Variants in FOCAD observed in about 807,000 individuals in gnomAD.
FOCAD encodes focadhesin, also known as KIAA1797.
Under a neutral mutation model 225.6 loss-of-function variants are expected in FOCAD, and 198 were observed. The observed-to-expected ratio is 0.88, with a 90% CI of 0.78 to 0.99. The LOEUF is 0.99. FOCAD is among the 50% of genes least tolerant of loss of function. The pLI is 0.00. For synonymous variants in FOCAD, 897 were observed against 755.0 expected (o/e 1.19, Z -3.08); for missense variants, 2,713 against 2,123.6 (o/e 1.28, Z -5.46).
chr9:20,714,890 A>G (rs867901219), intron 1 of FOCAD, among the ~76,000 whole-genome samples: 14 of 152,296 alleles, frequency 9.2e-5, no homozygotes, highest in African/African-American at 3.4e-4. Context: ...CACACTTGTC[A>G]CTAGCAGTTG....
chr9:20,944,591 T>C, intron 28 of FOCAD, 36 bp from the exon 29 acceptor site: 1 of 1,596,628 alleles, frequency 6.3e-7, no homozygotes, highest in Non-Finnish European at 8.6e-7. Flanking sequence ...GTGGATTTCT[T>C]ATGATCCTAA....
chr9:20,844,249 C>G (rs971373592), intron 15 of FOCAD, among the ~76,000 whole-genome samples: 10 of 151,596 alleles, frequency 6.6e-5, no homozygotes, highest in African/African-American at 9.7e-5. Flanking sequence ...GTTTATTTCT[C>G]CACCTAAAAT....
At chr9:20,785,401 C>T (rs574987902) in intron 10 of FOCAD, among the ~76,000 whole-genome samples, 3 of 152,060 alleles carry the variant, frequency 2.0e-5, no homozygotes, top group Non-Finnish European at 4.4e-5. Flanking sequence ...CCCTAATTCC[C>T]CCCTTTTTTC....
At chr9:20,670,198 G>A (rs1304554173) in intron 2 of FOCAD, among the ~76,000 whole-genome samples, 5 of 152,178 alleles carry the variant, frequency 3.3e-5, no homozygotes, top group Non-Finnish European at 7.3e-5. Context: ...ATTTGTTGAA[G>A]TAATGAATGG....
chr9:20,731,238 C>T (rs552450067), intron 4 of FOCAD, among the ~76,000 whole-genome samples: 1 of 121,750 alleles, frequency 8.2e-6, no homozygotes, highest in Non-Finnish European at 1.7e-5. Flanking sequence ...ACTTTGTCTC[C>T]AAAACAACAA....
intron 11 of FOCAD, among the ~76,000 whole-genome samples, chr9:20,815,813 C>G (rs565870672): frequency 6.6e-6 from 1 of 152,082 alleles, no homozygotes; most frequent in African/African-American, 2.4e-5. Context: ...GTATAAGATT[C>G]AAGATTAGGA....
upstream of FOCAD, among the ~76,000 whole-genome samples, chr9:20,655,949 TG>T (rs1295419604): frequency 3.3e-5 from 5 of 152,170 alleles, no homozygotes; most frequent in Non-Finnish European, 7.4e-5. Flanking sequence ...CTGCTTTGAA[TG>T]TGTCCCAGAG....
At chr9:20,688,939 A>G (rs1349599646) in intron 1 of FOCAD, among the ~76,000 whole-genome samples, 3 of 152,196 alleles carry the variant, frequency 2.0e-5, no homozygotes, top group Non-Finnish European at 4.4e-5. Context: ...TTGATACAGT[A>G]TTTGGATTTT....
At chr9:20,864,206 A>C (rs879582954) in intron 16 of FOCAD, among the ~76,000 whole-genome samples, 1 of 152,092 alleles carries the variant, frequency 6.6e-6, no homozygotes, top group Non-Finnish European at 1.5e-5. Context: ...TCTGGATGTG[A>C]GCCAAAGTTG....
intron 21 of FOCAD, among the ~76,000 whole-genome samples, chr9:20,886,024 T>C (rs1424944583): frequency 1.3e-5 from 2 of 152,218 alleles, no homozygotes; most frequent in African/African-American, 4.8e-5. Context: ...ACATCTTATT[T>C]TGATGCCTAA....
chr9:20,938,345 G>A (rs1272670333), intron 28 of FOCAD, among the ~76,000 whole-genome samples: 7 of 152,082 alleles, frequency 4.6e-5, no homozygotes, highest in Non-Finnish European at 7.4e-5. Flanking sequence ...GTCCAACAAT[G>A]ATAGACTGGA....
intron 15 of FOCAD, among the ~76,000 whole-genome samples, chr9:20,843,206 G>A (rs1231003835): frequency 6.6e-6 from 1 of 151,968 alleles, no homozygotes; most frequent in East Asian, 1.9e-4. Flanking sequence ...AGTGAATTTT[G>A]TGTCTTCAGA....
At chr9:20,722,599 C>T (rs1342953616) in intron 4 of FOCAD, among the ~76,000 whole-genome samples, 2 of 152,264 alleles carry the variant, frequency 1.3e-5, no homozygotes, top group Non-Finnish European at 2.9e-5. Context: ...AAGGTTTGAT[C>T]ATGACTGAAA....
At chr9:20,689,246 A>G (rs1822837069) in intron 1 of FOCAD, among the ~76,000 whole-genome samples, 1 of 151,990 alleles carries the variant, frequency 6.6e-6, no homozygotes, top group African/African-American at 2.4e-5. Flanking sequence ...GTGGATATAG[A>G]TGGTAGAAAC....
intron 2 of FOCAD, among the ~76,000 whole-genome samples, chr9:20,660,410 A>G (rs1412500062): frequency 6.6e-6 from 1 of 152,156 alleles, no homozygotes; most frequent in African/African-American, 2.4e-5. Flanking sequence ...ATGAGCCCAT[A>G]CAGTCTGGTT....
chr9:20,676,511 A>G (rs1312820454), intron 2 of FOCAD, among the ~76,000 whole-genome samples: 1 of 152,226 alleles, frequency 6.6e-6, no homozygotes, highest in Non-Finnish European at 1.5e-5. Flanking sequence ...CAAAACTCAC[A>G]TTATGGTAAA....
chr9:20,916,839 G>A lies in FOCAD; in HGVS notation c.2808-54G>A, dbSNP rs1833906271. Reference sequence around the variant, plus strand: ...TTATTAATTGATGAAAAAGAGAAAGGAATGATTTCTTGTTCTAACATAAAC... The same window carrying A: ...TTATTAATTGATGAAAAAGAGAAAGAAATGATTTCTTGTTCTAACATAAAC... On this transcript the variant is annotated intron_variant, in intron 23 of 43. Coordinates refer to ENST00000338382, the MANE Select transcript of FOCAD (RefSeq NM_001375567.1). 2.0e-6 allele frequency: 3 copies of A among 1,488,630 alleles called. No individual in the cohort carries two copies. The Admixed American group carries it at 5.9e-5, about 29-fold the overall frequency. 92.2% of individuals were successfully genotyped at this position (1,488,630 alleles called of 1,614,324 possible).
At chr9:20,886,738 A>C (rs901605950) in intron 21 of FOCAD, among the ~76,000 whole-genome samples, 38 of 152,190 alleles carry the variant, frequency 2.5e-4, no homozygotes, top group African/African-American at 8.7e-4. Flanking sequence ...TTTAGACTGG[A>C]TTCCATATTC....
intron 11 of FOCAD, among the ~76,000 whole-genome samples, chr9:20,809,113 G>T (rs1375382563): frequency 6.6e-6 from 1 of 152,096 alleles, no homozygotes; most frequent in Non-Finnish European, 1.5e-5. Context: ...CTAACTCATG[G>T]TTTTTGGAGG....
Sources: gnomAD v4.1 joint callset for allele counts (sites outside exome capture counted in the v4.1 genomes callset) on GRCh38, gnomAD v4.1.1 for gene constraint, MANE v1.5 for transcripts, NCBI Gene and HGNC (gene_info 2026-07-23, HGNC 2026-07-21) for gene names.